The following PRDM5 variants were observed in gnomAD, a reference collection of about 807,000 sequenced individuals.
PRDM5 encodes PR/SET domain 5, also known as PR domain zinc finger protein 5.
In PRDM5, 56 loss-of-function variants were observed where a neutral mutation model predicts 81.2. The ratio of observed to expected loss-of-function variants is 0.69; its 90% CI spans 0.56 to 0.86. The LOEUF (loss-of-function observed/expected upper bound fraction) is 0.86, where lower values mean the gene tolerates loss of function less well. Among genes scored for constraint, PRDM5 ranks in the 40% least tolerant of loss-of-function variants. The pLI, the probability that PRDM5 is intolerant of heterozygous loss-of-function variation, is 0.00. For missense variants in PRDM5, 697 were observed against 770.1 expected (o/e 0.91, Z 1.12); for synonymous variants, 267 against 256.4 (o/e 1.04, Z -0.39).
intron 1 of PRDM5, among the ~76,000 whole-genome samples, chr4:120,919,915 T>C (rs775339215): frequency 2.0e-5 from 3 of 152,146 alleles, no homozygotes; most frequent in East Asian, 1.9e-4. Flanking sequence ...ACTGACTCTT[T>C]TCGTTTTCTT....
At chr4:120,850,777 T>A (rs1357503142) in intron 3 of PRDM5, among the ~76,000 whole-genome samples, 1 of 152,182 alleles carries the variant, frequency 6.6e-6, no homozygotes, top group Non-Finnish European at 1.5e-5. Context: ...TGTCATCTTT[T>A]GTGATTTATA....
intron 14 of PRDM5, among the ~76,000 whole-genome samples, chr4:120,743,891 G>A (rs758151764): frequency 0.018 from 2,744 of 150,974 alleles, 35 homozygotes; most frequent in Middle Eastern, 0.031. Flanking sequence ...AGTTAACAAG[G>A]ATACCCAGGA....
intron 2 of PRDM5, among the ~76,000 whole-genome samples, chr4:120,880,092 TA>T (rs1311390301): frequency 7.2e-5 from 11 of 152,112 alleles, no homozygotes; most frequent in Non-Finnish European, 1.5e-4. Context: ...ATGTTAATAA[TA>T]GGGGAAAATG....
rs544268832 is a variant in PRDM5, at chr4:120,853,688, C to T, written c.178-148G>A. The T allele has an allele frequency of 9.1e-4, 922 of 1,014,226 alleles. 2 individuals are homozygous for T. The highest frequency in any genetic ancestry group is 1.3e-3 in the Non-Finnish European group (873 of 657,322). 62.8% of individuals were successfully genotyped at this position (1,014,226 alleles called of 1,614,324 possible). ...AGAAGTTGGACTAACATGCATTCTT[C>T]TCTTAAACACATGTAGAAATACAGC... On this transcript the variant is annotated intron_variant, in intron 2 of 15. Coordinates refer to ENST00000264808, the MANE Select transcript of PRDM5 (RefSeq NM_018699.4).
At chr4:120,739,798 G>A (rs565119556) in intron 14 of PRDM5, among the ~76,000 whole-genome samples, 7 of 151,610 alleles carry the variant, frequency 4.6e-5, no homozygotes, top group Non-Finnish European at 1.0e-4. Flanking sequence ...TTCCTAACTG[G>A]GAAATTTAAA....
intron 10 of PRDM5, among the ~76,000 whole-genome samples, chr4:120,796,916 T>C (rs957645481): frequency 1.3e-5 from 2 of 152,208 alleles, no homozygotes; most frequent in African/African-American, 2.4e-5. Context: ...CAGCATGCTA[T>C]AATACATCAA....
chr4:120,757,701 TCTCCTC>T (rs778765737), intron 13 of PRDM5, among the ~76,000 whole-genome samples: 8 of 151,942 alleles, frequency 5.3e-5, no homozygotes, highest in Admixed American at 6.6e-5. Flanking sequence ...CCTCTCTTTC[TCTCCTC>T]CTCCTCCTCC....
intron 10 of PRDM5, among the ~76,000 whole-genome samples, chr4:120,786,769 A>G (rs1749820455): frequency 2.0e-5 from 3 of 152,218 alleles, no homozygotes. Context: ...ATGACAAAAT[A>G]AATATCTGCA....
At chr4:120,852,996 C>T (rs1429443576) in intron 3 of PRDM5, among the ~76,000 whole-genome samples, 1 of 151,880 alleles carries the variant, frequency 6.6e-6, no homozygotes, top group Non-Finnish European at 1.5e-5. Flanking sequence ...ACACCACCTC[C>T]GACAAGCTCA....
intron 14 of PRDM5, among the ~76,000 whole-genome samples, chr4:120,715,069 G>C (rs1392591927): frequency 6.6e-6 from 1 of 152,064 alleles, no homozygotes; most frequent in Non-Finnish European, 1.5e-5. Context: ...GAATAAAAGT[G>C]GTATGGGATT....
chr4:120,700,929 A>C (rs1412920569), intron 15 of PRDM5, among the ~76,000 whole-genome samples: 1 of 152,188 alleles, frequency 6.6e-6, no homozygotes, highest in African/African-American at 2.4e-5. Context: ...GATCGAGACC[A>C]GCCTGACCAA....
rs182225297 is a variant in PRDM5, at chr4:120,882,761, A to C, written c.177+24713T>G. 2.9e-3 allele frequency among the ~76,000 whole-genome samples: 437 copies of C among 152,322 alleles called. 2 individuals carry two copies. The highest frequency in any genetic ancestry group is 0.01 in the African/African-American group (421 of 41,562). On this transcript the variant is annotated intron_variant, in intron 2 of 15. Transcript: ENST00000264808. ...AAAGTTACATTCGTGTGTAGAAAAA[A>C]TTTATTTTCAAAAAATCATTTGAAT...
rs115584226 is a variant in PRDM5, at chr4:120,763,046, A to T, written c.1538-8408T>A. Among the ~76,000 whole-genome samples, 497 of 152,324 alleles carry T rather than the reference A, an allele frequency of 3.3e-3. 3 individuals carry two copies. The highest frequency in any genetic ancestry group is 0.012 in the African/African-American group (489 of 41,582). ...AATTTTATCATCTGATTCAAAACAA[A>T]TGGAGTCTGGTTTTCAAAATCTATT... On this transcript the variant is annotated intron_variant, in intron 13 of 15. Coordinates refer to ENST00000264808, the MANE Select transcript of PRDM5 (RefSeq NM_018699.4).
intron 2 of PRDM5, among the ~76,000 whole-genome samples, chr4:120,903,458 C>T (rs1765426871): frequency 6.6e-6 from 1 of 152,218 alleles, no homozygotes; most frequent in Non-Finnish European, 1.5e-5. Flanking sequence ...AGCTTGCTCA[C>T]TCAACATAAT....
chr4:120,802,111 C>T (rs1465839860), intron 8 of PRDM5, among the ~76,000 whole-genome samples: 1 of 152,104 alleles, frequency 6.6e-6, no homozygotes, highest in African/African-American at 2.4e-5. Flanking sequence ...ATGGCTTCAA[C>T]ATGAAACATT....
Position 120,922,625 on chromosome 4 carries a change from G to T in PRDM5, c.-17C>A. On this transcript the variant is annotated 5_prime_UTR_variant, in exon 1 of 16. Coordinates refer to ENST00000264808, the MANE Select transcript of PRDM5 (RefSeq NM_018699.4). ...GCCCAGCATTTTCCCGGGCGCGGCG[G>T]CCGCCGCCTCTCTCAACACCGGCGC... 1.3e-6 allele frequency: 2 copies of T among 1,567,696 alleles called. No individual in the cohort carries two copies. The highest frequency in any genetic ancestry group is 1.4e-5 in the African/African-American group (1 of 73,588).
At chr4:120,789,553 T>C (rs1750269517) in intron 10 of PRDM5, among the ~76,000 whole-genome samples, 1 of 152,222 alleles carries the variant, frequency 6.6e-6, no homozygotes, top group East Asian at 1.9e-4. Flanking sequence ...ATTCCAGAGG[T>C]ATGTTTGCTA....
At chr4:120,825,833 C>A (rs1755906820) in intron 3 of PRDM5, among the ~76,000 whole-genome samples, 1 of 151,984 alleles carries the variant, frequency 6.6e-6, no homozygotes, top group Non-Finnish European at 1.5e-5. Flanking sequence ...CTGGTTTGGA[C>A]CTCAGATACC....
Position 120,867,963 on chromosome 4 carries a change from C to T in PRDM5, c.178-14423G>A, listed in dbSNP as rs554646516. ...AGTGAAATGGGAACAACATTGGGCG[C>T]TGCCAATGAACTCCTTCAAGACAGA... On this transcript the variant is annotated intron_variant, in intron 2 of 15. Transcript: ENST00000264808. Among the ~76,000 whole-genome samples, 8 of 152,342 alleles carry T rather than the reference C, an allele frequency of 5.3e-5. No homozygotes were observed. In the East Asian group the frequency reaches 1.5e-3, roughly 29 times the overall value.
Sources: gnomAD v4.1 joint callset for allele counts (sites outside exome capture counted in the v4.1 genomes callset) on GRCh38, gnomAD v4.1.1 for gene constraint, MANE v1.5 for transcripts, NCBI Gene and HGNC (gene_info 2026-07-23, HGNC 2026-07-21) for gene names.